Variants in SLC44A1 observed in about 807,000 individuals in gnomAD.
SLC44A1 encodes the protein solute carrier family 44 member 1, also known as choline transporter-like protein 1.
In SLC44A1, 26 loss-of-function variants were observed where a neutral mutation model predicts 79.3. The ratio of observed to expected loss-of-function variants is 0.33; its 90% confidence interval spans 0.24 to 0.46. The LOEUF (loss-of-function observed/expected upper bound fraction) is 0.46, where lower values mean the gene tolerates loss of function less well. Among genes scored for constraint, SLC44A1 ranks in the 20% least tolerant of loss-of-function variants. The probability of loss-of-function intolerance (pLI) is 1.00; values close to 1 mark genes in which losing one functional copy is unlikely to be tolerated. For missense variants in SLC44A1, 688 were observed against 798.1 expected, an observed-to-expected ratio of 0.86 and a Z score of 1.66; for synonymous variants, 263 against 286.2, an observed-to-expected ratio of 0.92 and a Z score of 0.82.
intron 3 of SLC44A1, among the ~76,000 whole-genome samples, chr9:105,329,083 A>G (rs1826670471): frequency 6.6e-6 from 1 of 152,212 alleles, no homozygotes; most frequent in Admixed American, 6.5e-5. Flanking sequence ...GGTGGAGTAC[A>G]GATCTGCGGG....
rs10592448 is a variant in SLC44A1 at position 105,415,896 on chromosome 9, ATTTTTTTTTTTT to A, written c.1951-22373_1951-22362del. ...GATATTCTCTGAAAGGATTGACTGA[ATTTTTTTTTTTT>A]TTTTTTTTTTTGAGATAGTATCTTG... On this transcript the variant is annotated intron_variant, in intron 15 of 15. Coordinates refer to the SLC44A1 transcript ENST00000374724. Among the ~76,000 whole-genome samples, 8 of 117,950 alleles carry A rather than the reference ATTTTTTTTTTTT, an allele frequency of 6.8e-5. No homozygotes were observed. The East Asian group carries it at 1.7e-3, about 25-fold the overall frequency. 77.4% of individuals were successfully genotyped at this position (117,950 alleles called of 152,430 possible). A position where few individuals can be genotyped will look rare whatever the true frequency, so the allele number is the denominator to read the frequency against.
intron 7 of SLC44A1, among the ~76,000 whole-genome samples, chr9:105,359,027 A>C (rs544366080): frequency 6.6e-6 from 1 of 152,046 alleles, no homozygotes; most frequent in Non-Finnish European, 1.5e-5. Flanking sequence ...GCTCCCTCCC[A>C]CTTTTCGCCC....
At position 105,365,517 on chromosome 9, in the gene SLC44A1, G is replaced by T; in HGVS notation, c.1288G>T (p.Ala430Ser). 39 of 1,613,028 alleles carry T rather than the reference G, an allele frequency of 2.4e-5. No individual in the cohort carries two copies. Among genetic ancestry groups the T allele is most frequent in the Non-Finnish European group, 3.3e-5 (39 of 1,179,384 alleles). The change falls in exon 11 of 16, where the codon GCA (alanine) becomes TCA (serine). Residue 430 changes from alanine to serine, a missense_variant. Transcript: ENST00000374720. Reference protein sequence around the residue: ...KRNLPFTPILASVNRLIRYHL... With the variant: ...KRNLPFTPILSSVNRLIRYHL... ...GAATTTGCCATTTACACCTATTTTG[G>T]CATCAGTAAATCGCCTTATTCGTTA...
intron 1 of SLC44A1, among the ~76,000 whole-genome samples, chr9:105,276,173 G>GTGTCCT (rs1162494216): frequency 6.6e-6 from 1 of 152,158 alleles, no homozygotes; most frequent in Non-Finnish European, 1.5e-5. Flanking sequence ...TTAATTCCAA[G>GTGTCCT]TGTCCTTGAT....
intron 2 of SLC44A1, among the ~76,000 whole-genome samples, chr9:105,303,575 G>C (rs1830936327): frequency 6.6e-6 from 1 of 152,146 alleles, no homozygotes; most frequent in Non-Finnish European, 1.5e-5. Context: ...ACCTGCTCAA[G>C]GACGTATACA....
intron 15 of SLC44A1, among the ~76,000 whole-genome samples, chr9:105,387,196 A>T (rs1436550358): frequency 6.6e-6 from 1 of 151,230 alleles, no homozygotes; most frequent in Non-Finnish European, 1.5e-5. Context: ...AGCCTCAATA[A>T]AATATTTAGA....
Position 105,314,710 on chromosome 9 carries a change from G to A in SLC44A1, c.269+4844G>A, listed in dbSNP as rs147065260. ...AAAGAACTAGAGGTCTGCGGAGGAT[G>A]ATAGCATCTATGTATGAGTAAAATC... On this transcript the variant is annotated intron_variant, in intron 3 of 15. Transcript: ENST00000374720. Among the ~76,000 whole-genome samples, 7 of 152,312 alleles carry A rather than the reference G, an allele frequency of 4.6e-5. No homozygotes were observed. The East Asian group carries it at 7.7e-4, about 17-fold the overall frequency.
At chr9:105,255,014 GTAA>G (rs1220895544) in intron 1 of SLC44A1, among the ~76,000 whole-genome samples, 1 of 150,426 alleles carries the variant, frequency 6.6e-6, no homozygotes, top group East Asian at 1.9e-4. Context: ...TTAAGGAGCT[GTAA>G]TAATGAGTAC....
intron 1 of SLC44A1, among the ~76,000 whole-genome samples, chr9:105,284,098 G>A (rs1211039759): frequency 6.6e-6 from 1 of 152,094 alleles, no homozygotes; most frequent in African/African-American, 2.4e-5. Context: ...CAGTATCAAG[G>A]TTTATCTGTC....
rs1828728393 is a variant in SLC44A1, at chr9:105,390,219, A to C, written c.*1163A>C. 5.4e-6 allele frequency: 6 copies of C among 1,120,234 alleles called. No homozygotes were observed. The East Asian group carries it at 3.0e-4, about 55-fold the overall frequency. The allele number at this position is 1,120,234 out of a possible 1,614,324, so 69.4% of individuals were successfully genotyped here. A position where few individuals can be genotyped will look rare whatever the true frequency, so the allele number is the denominator to read the frequency against. ...CTTTTTTATTCCTGAAGCTTACCAG[A>C]TATGAATGGCTAATACTCCATTGTT... On this transcript the variant is annotated 3_prime_UTR_variant, in exon 16 of 16. Coordinates refer to ENST00000374720, the MANE Select transcript of SLC44A1 (RefSeq NM_080546.5).
At chr9:105,248,640 C>G (rs1335698433) in intron 1 of SLC44A1, among the ~76,000 whole-genome samples, 1 of 152,168 alleles carries the variant, frequency 6.6e-6, no homozygotes, top group Non-Finnish European at 1.5e-5. Flanking sequence ...ACAGGACAGT[C>G]TTTGCCTAAA....
intron 15 of SLC44A1, among the ~76,000 whole-genome samples, chr9:105,405,626 G>A (rs2131502403): frequency 6.6e-6 from 1 of 152,228 alleles, no homozygotes; most frequent in Non-Finnish European, 1.5e-5. Flanking sequence ...AGTAAGCAAT[G>A]TGTGGTTAGA....
intron 3 of SLC44A1, among the ~76,000 whole-genome samples, chr9:105,313,980 T>A (rs1831250722): frequency 6.6e-6 from 1 of 152,018 alleles, no homozygotes; most frequent in Admixed American, 6.6e-5. Flanking sequence ...CCCAGGCTGG[T>A]CTCGAACTCC....
At position 105,391,047 on chromosome 9, in the gene SLC44A1, A is replaced by G; in HGVS notation, c.*1991A>G. On this transcript the variant is annotated 3_prime_UTR_variant, in exon 16 of 16. Transcript: ENST00000374720. ...ATAGCCGCACAGATTTTGGACTTTCACAAACATTGGGAACTAAATTTAGAA... is the reference window on the plus strand; with the variant it reads ...ATAGCCGCACAGATTTTGGACTTTCGCAAACATTGGGAACTAAATTTAGAA... 3.0e-6 allele frequency: 3 copies of G among 985,834 alleles called. No homozygotes were observed. The highest frequency in any genetic ancestry group is 2.4e-6 in the Non-Finnish European group (2 of 829,910). 61.1% of individuals were successfully genotyped at this position (985,834 alleles called of 1,614,324 possible).
chr9:105,317,866 C>G (rs71494518), intron 3 of SLC44A1, among the ~76,000 whole-genome samples: 1,648 of 152,200 alleles, frequency 0.011, 10 homozygotes, highest in Non-Finnish European at 0.016. Flanking sequence ...TCAGAGCAGC[C>G]CAGTAGATCA....
chr9:105,388,723 AAG>A (rs1277713064), intron 15 of SLC44A1, among the ~76,000 whole-genome samples: 1 of 152,184 alleles, frequency 6.6e-6, no homozygotes, highest in Non-Finnish European at 1.5e-5. Flanking sequence ...AGGTTTAGGA[AAG>A]AGATTTTCTG....
At chr9:105,356,931 T>C (rs1236240148) in intron 6 of SLC44A1, among the ~76,000 whole-genome samples, 1 of 152,202 alleles carries the variant, frequency 6.6e-6, no homozygotes, top group Non-Finnish European at 1.5e-5. Flanking sequence ...AATGTTATTT[T>C]CAAGATTAAA....
intron 13 of SLC44A1, 29 bp downstream of exon 13, chr9:105,374,764 AC>A: frequency 7.1e-6 from 11 of 1,550,654 alleles, no homozygotes; most frequent in Non-Finnish European, 9.7e-6. Flanking sequence ...TCTGCAACAT[AC>A]AGTAAAATTT....
chr9:105,385,652 C>G, intron 15 of SLC44A1, 150 bp downstream of exon 15: 1 of 1,421,120 alleles, frequency 7.0e-7, no homozygotes, highest in Admixed American at 2.8e-5. Flanking sequence ...TGTGCTTACC[C>G]ATCACTTGGA....
Sources: gnomAD v4.1 joint callset for allele counts (sites outside exome capture counted in the v4.1 genomes callset) on GRCh38, gnomAD v4.1.1 for gene constraint, MANE v1.5 for transcripts, NCBI Gene and HGNC (gene_info 2026-07-23, HGNC 2026-07-21) for gene names.